ABCA1: variants seen among roughly 807,000 people sequenced by gnomAD.
ABCA1 encodes the protein phospholipid-transporting ATPase ABCA1.
A neutral mutation model predicts 262.5 loss-of-function variants in ABCA1; 133 were observed. That is an observed-to-expected ratio of 0.51 (90% CI 0.44 to 0.59). The LOEUF (loss-of-function observed/expected upper bound fraction) is 0.59, where lower values mean the gene tolerates loss of function less well. ABCA1 is among the 20% of genes least tolerant of loss of function. ABCA1 has a pLI of 0.00. For synonymous variants in ABCA1, 1,022 were observed against 1,043.5 expected (o/e 0.98, Z 0.40); for missense variants, 2,452 against 2,777.5 (o/e 0.88, Z 2.63).
rs181316231 is a variant in ABCA1 at position 104,921,715 on chromosome 9, T to C, written c.-93+6220A>G. Among the ~76,000 whole-genome samples, 582 of 152,334 alleles carry C rather than the reference T, an allele frequency of 3.8e-3. 6 individuals are homozygous for C. Among genetic ancestry groups the C allele is most frequent in the Non-Finnish European group, 3.0e-3 (205 of 68,024 alleles). On this transcript the variant is annotated intron_variant, in intron 1 of 49. Coordinates refer to ENST00000374736, the MANE Select transcript of ABCA1 (RefSeq NM_005502.4). Reference sequence around the variant, plus strand: ...TCTTTTAGAAGACAGGAAGCAAACATGAGCTTCCCATTCTCCTTGTTGGAC... The same window carrying C: ...TCTTTTAGAAGACAGGAAGCAAACACGAGCTTCCCATTCTCCTTGTTGGAC...
intron 5 of ABCA1, among the ~76,000 whole-genome samples, chr9:104,863,736 T>G (rs899335646): frequency 2.0e-5 from 3 of 152,250 alleles, no homozygotes; most frequent in Admixed American, 6.5e-5. Context: ...TTATTCCTCA[T>G]GACAGCCAGT....
Position 104,837,298 on chromosome 9 carries a change from G to A in ABCA1, c.1194+130C>T, listed in dbSNP as rs1197917039. The A allele has an allele frequency of 2.3e-6, 3 of 1,330,700 alleles. No homozygotes were observed. The East Asian group carries it at 7.2e-5, about 32-fold the overall frequency. 82.4% of individuals were successfully genotyped at this position (1,330,700 alleles called of 1,614,324 possible). A position where few individuals can be genotyped will look rare whatever the true frequency, so the allele number is the denominator to read the frequency against. On this transcript the variant is annotated intron_variant, in intron 10 of 49. Coordinates refer to ENST00000374736, the MANE Select transcript of ABCA1 (RefSeq NM_005502.4). The stretch of plus-strand genomic sequence containing the variant: ...CAGCTCTGGTCTGCATCAGACTTGA[G>A]GTTTTCACTCTGGGAATTCCAGAAG...
At chr9:104,812,521 G>C in intron 28 of ABCA1, 53 bp downstream of exon 28, 1 of 1,611,694 alleles carries the variant, frequency 6.2e-7, no homozygotes, top group Non-Finnish European at 8.5e-7. Flanking sequence ...TGGTCACAGA[G>C]CCTGCAGCCC....
intron 37 of ABCA1, among the ~76,000 whole-genome samples, chr9:104,797,142 G>A (rs1404961293): frequency 6.6e-6 from 1 of 152,168 alleles, no homozygotes; most frequent in Non-Finnish European, 1.5e-5. Context: ...CTAAAGCAGG[G>A]AGGGACAGAT....
Position 104,799,898 on chromosome 9 carries a change from C to T in ABCA1, c.4864G>A (p.Glu1622Lys). 1 of 1,614,202 alleles carries T rather than the reference C, an allele frequency of 6.2e-7. No homozygotes were observed. The highest frequency in any genetic ancestry group is 8.5e-7 in the Non-Finnish European group (1 of 1,180,030). Residue 1622 changes from glutamate to lysine, a missense_variant, in exon 36 of 50, where the codon GAG (glutamate) becomes AAG (lysine). This residue lies in a region of ABCA1 where 752 missense variants were observed against 944.5 expected (regional missense o/e 0.80). Transcript: ENST00000374736. ...AILRANLQKG[E>K]NPSHYGITAF... Reference sequence around the variant, plus strand: ...GTAATTCCATAATGGCTAGGGTTCTCTCCCTTTTGCAGGTTGGCCCGGAGA... The same window carrying T: ...GTAATTCCATAATGGCTAGGGTTCTTTCCCTTTTGCAGGTTGGCCCGGAGA...
At chr9:104,792,983 A>G in intron 41 of ABCA1, 77 bp from the exon 42 acceptor site, 1 of 1,608,064 alleles carries the variant, frequency 6.2e-7, no homozygotes, top group Non-Finnish European at 8.5e-7. Flanking sequence ...ACGTAGTATT[A>G]TAAAACCTAC....
At chr9:104,882,911 G>T in intron 5 of ABCA1, 128 bp downstream of exon 5, 1 of 978,800 alleles carries the variant, frequency 1.0e-6, no homozygotes, top group Non-Finnish European at 1.6e-6. Context: ...CCACAGGCCA[G>T]CCACCAAGGA....
At chr9:104,801,931 C>T (rs1830373604) in intron 34 of ABCA1, 123 bp downstream of exon 34, 3 of 895,356 alleles carry the variant, frequency 3.4e-6, no homozygotes, top group African/African-American at 1.7e-5. Flanking sequence ...CCAAAGACGG[C>T]TCTGTATGCC....
chr9:104,865,706 A>C (rs114125287), intron 5 of ABCA1, among the ~76,000 whole-genome samples: 1,984 of 152,148 alleles, frequency 0.013, 50 homozygotes, highest in African/African-American at 0.045. Context: ...TTTTCTTACC[A>C]ATTAAGTGAA....
intron 1 of ABCA1, among the ~76,000 whole-genome samples, chr9:104,908,617 C>T (rs187781041): frequency 3.9e-5 from 6 of 152,238 alleles, no homozygotes; most frequent in Middle Eastern, 3.4e-3. Context: ...GCTGAGATCG[C>T]GCTACCGCAC....
chr9:104,831,853 A>C, intron 12 of ABCA1, 26 bp from the exon 13 acceptor site: 1 of 1,611,736 alleles, frequency 6.2e-7, no homozygotes, highest in Non-Finnish European at 8.5e-7. Context: ...CCTTCATGAG[A>C]ACGTTGGCAG....
chr9:104,811,840 C>T (rs894103640), intron 28 of ABCA1, among the ~76,000 whole-genome samples: 1 of 152,142 alleles, frequency 6.6e-6, no homozygotes, highest in African/African-American at 2.4e-5. Context: ...AGCAGCTTGC[C>T]CAAGGTCATA....
At chr9:104,809,244 T>C (rs1043694499) in intron 30 of ABCA1, among the ~76,000 whole-genome samples, 15 of 152,252 alleles carry the variant, frequency 9.9e-5, no homozygotes, top group Non-Finnish European at 1.6e-4. Flanking sequence ...CAAATGTCTG[T>C]AATGACGTGC....
intron 12 of ABCA1, 46 bp downstream of exon 12, chr9:104,832,528 A>G (rs755368907): frequency 1.3e-6 from 2 of 1,597,640 alleles, no homozygotes; most frequent in African/African-American, 1.3e-5. Flanking sequence ...GTCTCAGAGA[A>G]AGAAGCCGTT....
chr9:104,894,054 C>A (rs184831651), intron 2 of ABCA1, among the ~76,000 whole-genome samples: 1 of 152,304 alleles, frequency 6.6e-6, no homozygotes, highest in Non-Finnish European at 1.5e-5. Flanking sequence ...AAGTTACGAG[C>A]CATAAGAAAC....
intron 1 of ABCA1, among the ~76,000 whole-genome samples, chr9:104,914,532 T>C (rs1588584792): frequency 6.6e-6 from 1 of 151,540 alleles, no homozygotes; most frequent in African/African-American, 2.4e-5. Flanking sequence ...AATCTGAGCC[T>C]TATAATTCCT....
At chr9:104,844,687 G>A (rs1834704052) in intron 8 of ABCA1, among the ~76,000 whole-genome samples, 1 of 152,186 alleles carries the variant, frequency 6.6e-6, no homozygotes, top group Non-Finnish European at 1.5e-5. Context: ...CCAAGTCTGA[G>A]ACAATTTCCC....
chr9:104,838,518 G>A (rs1430070543), intron 9 of ABCA1, among the ~76,000 whole-genome samples: 1 of 151,344 alleles, frequency 6.6e-6, no homozygotes, highest in Non-Finnish European at 1.5e-5. Context: ...TCAGGAGGCT[G>A]AGGCAGGAGA....
At position 104,816,289 on chromosome 9, in the gene ABCA1, C is replaced by G. The variant is rs752524488; in HGVS notation, c.3592G>C (p.Glu1198Gln). 5 of 1,614,096 alleles carry G rather than the reference C, an allele frequency of 3.1e-6. No individual in the cohort carries two copies. The change falls in exon 25 of 50, where the codon GAA (glutamate) becomes CAA (glutamine). Residue 1198 changes from glutamate to glutamine, a missense_variant. Around this residue, in one of 4 missense-constraint regions of ABCA1, gnomAD observed 665 missense variants for 727.3 expected, o/e 0.91. Coordinates refer to ENST00000374736, the MANE Select transcript of ABCA1 (RefSeq NM_005502.4). ...TAGGTCAGCTCATGCCCTATGTCTTCCACCAGCCGGGCTTCAGACACATGC... is the reference window on the plus strand; with the variant it reads ...TAGGTCAGCTCATGCCCTATGTCTTGCACCAGCCGGGCTTCAGACACATGC... ...RKHVSEARLV[E>Q]DIGHELTYVL...
Sources: gnomAD v4.1 joint callset for allele counts (sites outside exome capture counted in the v4.1 genomes callset) on GRCh38, gnomAD v4.1.1 for gene constraint, gnomAD v4.1.1 regional missense constraint, MANE v1.5 for transcripts, NCBI Gene and HGNC (gene_info 2026-07-23, HGNC 2026-07-21) for gene names.